GRIA3: variants seen among roughly 807,000 people sequenced by gnomAD.
The protein encoded by GRIA3 is glutamate receptor 3.
Under a neutral mutation model 63.0 loss-of-function variants are expected in GRIA3, and 3 were observed. The ratio of observed to expected loss-of-function variants is 0.05; its 90% CI spans 0.02 to 0.12. The LOEUF is 0.12. Ranked by LOEUF, GRIA3 falls within the 10% of genes least tolerant of loss-of-function variation. GRIA3 has a pLI of 1.00. For missense variants in GRIA3, 347 were observed against 700.9 expected (o/e 0.50, Z 5.70); for synonymous variants, 274 against 257.9 (o/e 1.06, Z -0.60).
chrX:123,411,991 C>T (rs773361641), intron 10 of GRIA3, among the ~76,000 whole-genome samples: 1 of 111,728 alleles, frequency 9.0e-6, no homozygotes, highest in East Asian at 2.8e-4. Flanking sequence ...CACCTACTCC[C>T]TAACCCCATC....
At chrX:123,311,181 T>A (rs2044789220) in intron 3 of GRIA3, among the ~76,000 whole-genome samples, 1 of 111,748 alleles carries the variant, frequency 8.9e-6, no homozygotes, top group African/African-American at 3.3e-5. Context: ...CCAAGACTTT[T>A]TTAGAAGGTA....
intron 12 of GRIA3, among the ~76,000 whole-genome samples, chrX:123,435,665 C>T (rs1224969204): frequency 8.9e-6 from 1 of 111,920 alleles, no homozygotes; most frequent in East Asian, 2.8e-4. Context: ...GATAAGAAGG[C>T]AAAGAAAGGC....
chrX:123,409,066 G>A (rs936162756), intron 10 of GRIA3, among the ~76,000 whole-genome samples: 1 of 111,636 alleles, frequency 9.0e-6, no homozygotes, highest in African/African-American at 3.3e-5. Flanking sequence ...GCCTCTTGTG[G>A]TTTGCAAGTT....
chrX:123,310,946 T>A (rs1244697224), intron 3 of GRIA3, among the ~76,000 whole-genome samples: 7 of 107,006 alleles, frequency 6.5e-5, no homozygotes, highest in Non-Finnish European at 1.3e-4. Flanking sequence ...GAGGTTGCAG[T>A]GAGCCGAGAT....
intron 2 of GRIA3, among the ~76,000 whole-genome samples, chrX:123,213,896 A>G (rs912189605): frequency 8.9e-6 from 1 of 112,124 alleles, no homozygotes; most frequent in Non-Finnish European, 1.9e-5. Flanking sequence ...CTTCCATCCC[A>G]TTAGATCTCC....
At position 123,482,990 on chromosome X, in the gene GRIA3, T is replaced by C. The variant is rs1219675668; in HGVS notation, c.2631T>C (p.Tyr877=). Residue 877 remains tyrosine (Y), a synonymous_variant, in exon 15 of 16, where the codon TAT becomes TAC. Transcript: ENST00000620443. ...CTCCTGCCACCAACACTCAGAATTATGCTACATACAGAGAAGGCTACAACG... is the reference window on the plus strand; with the variant it reads ...CTCCTGCCACCAACACTCAGAATTACGCTACATACAGAGAAGGCTACAACG... The part of the protein sequence containing the change: ...KPAPATNTQN[Y]ATYREGYNVY... The C allele has an allele frequency of 1.0e-5, 12 of 1,202,744 alleles. No individual in the cohort carries two copies. The highest frequency in any genetic ancestry group is 1.4e-5 in the Non-Finnish European group (12 of 888,681).
intron 2 of GRIA3, among the ~76,000 whole-genome samples, chrX:123,247,168 AT>A: frequency 8.9e-6 from 1 of 112,245 alleles, no homozygotes; most frequent in East Asian, 2.8e-4. Context: ...TTTAAATGCA[AT>A]CATTAAATCA....
At position 123,395,060 on chromosome X, in the gene GRIA3, G is replaced by A; in HGVS notation, c.843G>A (p.Gln281=). The A allele has an allele frequency of 8.3e-7, 1 of 1,205,200 alleles. No homozygotes were observed. The highest frequency in any genetic ancestry group is 1.1e-6 in the Non-Finnish European group (1 of 889,496). The change falls in exon 6 of 16, where the codon CAG becomes CAA. Residue 281 remains glutamine (Q), a synonymous_variant. Transcript: ENST00000620443. ...TCAACAATGAAAACCCTATGGTTCA[G>A]CAGTTCATACAGCGCTGGGTGAGGC... ...QIVNNENPMV[Q]QFIQRWVRLD...
At chrX:123,376,084 C>T (rs1383503319) in intron 5 of GRIA3, among the ~76,000 whole-genome samples, 1 of 111,771 alleles carries the variant, frequency 8.9e-6, no homozygotes, top group Non-Finnish European at 1.9e-5. Context: ...ATTAACATTC[C>T]TAGCATACCA....
At chrX:123,233,033 C>A (rs768597528) in intron 2 of GRIA3, among the ~76,000 whole-genome samples, 3 of 111,083 alleles carry the variant, frequency 2.7e-5, no homozygotes, top group Non-Finnish European at 5.7e-5. Context: ...TTCCCACCAC[C>A]GAGAACAATA....
chrX:123,350,971 C>A (rs2045090614), intron 4 of GRIA3, among the ~76,000 whole-genome samples: 1 of 112,259 alleles, frequency 8.9e-6, no homozygotes, highest in Non-Finnish European at 1.9e-5. Flanking sequence ...TCATCTCCAA[C>A]AAATCTTACA....
intron 3 of GRIA3, among the ~76,000 whole-genome samples, chrX:123,280,149 T>C (rs1265569695): frequency 1.8e-5 from 2 of 111,631 alleles, no homozygotes; most frequent in African/African-American, 6.5e-5. Flanking sequence ...ATGAATATCA[T>C]AGCTCCAAAT....
rs1194637022 is a variant in GRIA3, at chrX:123,419,365, C to T, written c.1877+1587C>T. On this transcript the variant is annotated intron_variant, in intron 11 of 15. Coordinates refer to ENST00000620443, the MANE Select transcript of GRIA3 (RefSeq NM_007325.5). Reference sequence around the variant, plus strand: ...CGGAGATTGCAGTGAGCCGAGGTTGCGCCATTGCACTCCAGCCTGGGCAAC... The same window carrying T: ...CGGAGATTGCAGTGAGCCGAGGTTGTGCCATTGCACTCCAGCCTGGGCAAC... 8.4e-5 allele frequency among the ~76,000 whole-genome samples: 9 copies of T among 106,613 alleles called. No individual in the cohort carries two copies. In the East Asian group the frequency reaches 1.5e-3, roughly 18 times the overall value. The allele number at this position is 106,613 out of a possible 115,157, so 92.6% of individuals were successfully genotyped here.
At chrX:123,429,190 G>A (rs72609494) in intron 12 of GRIA3, among the ~76,000 whole-genome samples, 3 of 111,441 alleles carry the variant, frequency 2.7e-5, no homozygotes, top group East Asian at 5.6e-4. Context: ...GTAAACAGAT[G>A]GTGGTTCTAA....
chrX:123,451,436 T>A (rs1361570857), intron 12 of GRIA3, among the ~76,000 whole-genome samples: 14 of 87,936 alleles, frequency 1.6e-4, no homozygotes. Context: ...GCCTAGGAAT[T>A]CGAAGCTGCA....
At chrX:123,197,213 T>C (rs936867946) in intron 2 of GRIA3, among the ~76,000 whole-genome samples, 1 of 111,958 alleles carries the variant, frequency 8.9e-6, no homozygotes, top group African/African-American at 3.3e-5. Flanking sequence ...TTCTGGATGA[T>C]GTTTGTGACT....
At chrX:123,486,947 T>C (rs1235240875) in intron 15 of GRIA3, among the ~76,000 whole-genome samples, 2 of 112,467 alleles carry the variant, frequency 1.8e-5, no homozygotes, top group African/African-American at 3.2e-5. Context: ...TGAAATCTGG[T>C]TAATAAAAGG....
chrX:123,218,770 T>C (rs1465285246), intron 2 of GRIA3, among the ~76,000 whole-genome samples: 3 of 111,258 alleles, frequency 2.7e-5, no homozygotes, highest in East Asian at 5.6e-4. Context: ...ACCCCTATCA[T>C]TGGGACCCAT....
At chrX:123,232,371 T>C (rs1422323370) in intron 2 of GRIA3, among the ~76,000 whole-genome samples, 2 of 111,790 alleles carry the variant, frequency 1.8e-5, no homozygotes, top group African/African-American at 6.5e-5. Flanking sequence ...GCCTACCATC[T>C]AGTCCCCCAC....
Sources: allele counts gnomAD v4.1 joint callset (sites outside exome capture counted in the v4.1 genomes callset), GRCh38; gene constraint gnomAD v4.1.1; transcripts MANE v1.5; gene names NCBI Gene and HGNC (gene_info 2026-07-23, HGNC 2026-07-21).